SLC6A7: variants seen among roughly 807,000 people sequenced by gnomAD.
The protein encoded by SLC6A7 is solute carrier family 6 member 7.
In SLC6A7, 58 loss-of-function variants were observed where a neutral mutation model predicts 73.1. The ratio of observed to expected loss-of-function variants is 0.79; its 90% CI spans 0.64 to 0.99. SLC6A7 has a LOEUF of 0.99. SLC6A7 is among the 50% of genes least tolerant of loss of function. The pLI, the probability that SLC6A7 is intolerant of heterozygous loss-of-function variation, is 0.00. For missense variants in SLC6A7, 783 were observed against 831.4 expected (o/e 0.94, Z 0.72); for synonymous variants, 338 against 338.7 (o/e 1.00, Z 0.02).
intron 4 of SLC6A7, among the ~76,000 whole-genome samples, chr5:150,197,920 G>A (rs1753119431): frequency 6.6e-6 from 1 of 152,058 alleles, no homozygotes. Flanking sequence ...TCACGGTGCT[G>A]GGCACACAGT....
At chr5:150,193,982 T>C (rs902508820) in intron 1 of SLC6A7, among the ~76,000 whole-genome samples, 1 of 152,178 alleles carries the variant, frequency 6.6e-6, no homozygotes, top group Non-Finnish European at 1.5e-5. Flanking sequence ...GGAGCTTAGA[T>C]GAATACTGAG....
At chr5:150,208,686 C>G (rs959543659) in intron 13 of SLC6A7, among the ~76,000 whole-genome samples, 1 of 152,160 alleles carries the variant, frequency 6.6e-6, no homozygotes, top group African/African-American at 2.4e-5. Flanking sequence ...ATGTTAATTG[C>G]CTCCTTTCTT....
At chr5:150,196,914 C>T in intron 3 of SLC6A7, 67 bp downstream of exon 3, 1 of 1,566,126 alleles carries the variant, frequency 6.4e-7, no homozygotes, top group Admixed American at 1.8e-5. Context: ...AGGTTGCCCC[C>T]AGAACCCCTG....
intron 8 of SLC6A7, 26 bp downstream of exon 8, chr5:150,202,729 G>A (rs1235142450): frequency 1.2e-6 from 2 of 1,612,544 alleles, no homozygotes; most frequent in Non-Finnish European, 1.7e-6. Flanking sequence ...GGCCTCAGTG[G>A]GGTGAGCATG....
chr5:150,196,406 C>G (rs1753022605), intron 2 of SLC6A7, among the ~76,000 whole-genome samples: 1 of 152,164 alleles, frequency 6.6e-6, no homozygotes, highest in Admixed American at 6.5e-5. Flanking sequence ...GGTTTCTGTA[C>G]TGAGGAGTCT....
chr5:150,197,842 A>T (rs978707906), intron 4 of SLC6A7, among the ~76,000 whole-genome samples: 5 of 152,112 alleles, frequency 3.3e-5, no homozygotes, highest in African/African-American at 4.8e-5. Flanking sequence ...CCTCTAATAG[A>T]GATAGGACTA....
chr5:150,194,823 G>A lies in SLC6A7; in HGVS notation c.129G>A (p.Lys43=), dbSNP rs777802917. The stretch of plus-strand genomic sequence containing the variant: ...CACACCGGGGGAACTGGACAGGCAA[G>A]CTGGACTTCCTGCTGTCCTGCATTG... ...FAAHRGNWTG[K]LDFLLSCIGY... is the part of the protein sequence containing the mutation. Residue 43 remains lysine (K), a synonymous_variant, in exon 2 of 14, where the codon AAG becomes AAA. Coordinates refer to ENST00000230671, the MANE Select transcript of SLC6A7 (RefSeq NM_014228.5). The A allele has an allele frequency of 4.1e-5, 66 of 1,614,194 alleles. No individual in the cohort carries two copies. In the Middle Eastern group the frequency reaches 9.6e-3, roughly 234 times the overall value.
At chr5:150,197,680 T>A (rs1318489897) in intron 4 of SLC6A7, among the ~76,000 whole-genome samples, 1 of 152,308 alleles carries the variant, frequency 6.6e-6, no homozygotes, top group Middle Eastern at 3.4e-3. Flanking sequence ...TAACAGGGGT[T>A]GGTAACAGTA....
intron 1 of SLC6A7, among the ~76,000 whole-genome samples, chr5:150,193,694 C>T (rs1752885691): frequency 1.3e-5 from 2 of 152,200 alleles, no homozygotes; most frequent in African/African-American, 4.8e-5. Context: ...CTGAGGGCTC[C>T]CAGCTTCTTT....
intron 5 of SLC6A7, among the ~76,000 whole-genome samples, chr5:150,199,851 T>A (rs1051921955): frequency 3.9e-5 from 6 of 152,196 alleles, no homozygotes; most frequent in Non-Finnish European, 7.4e-5. Flanking sequence ...GATGGCTTCC[T>A]TCTGAGGCTT....
rs1753429496 is a variant in SLC6A7, at chr5:150,202,418, C to T, written c.930C>T (p.Ala310=). ...GVGFGGLLTF[A]SYNTFHQNIY... is the part of the protein sequence containing the mutation. ...GCTTCGGGGGGCTCCTCACCTTTGCCTCCTACAACACGTTTCACCAGAACA... is the reference window on the plus strand; with the variant it reads ...GCTTCGGGGGGCTCCTCACCTTTGCTTCCTACAACACGTTTCACCAGAACA... Residue 310 remains alanine (A), a synonymous_variant, in exon 7 of 14, where the codon GCC becomes GCT. Transcript: ENST00000230671. The T allele has an allele frequency of 1.2e-6, 2 of 1,614,098 alleles. No individual in the cohort carries two copies.
At chr5:150,194,432 TAAAA>T (rs57988226) in intron 1 of SLC6A7, among the ~76,000 whole-genome samples, 2 of 124,338 alleles carry the variant, frequency 1.6e-5, no homozygotes, top group East Asian at 2.3e-4. Context: ...CTTTCTCAAT[TAAAA>T]AAAAAAAAAA....
intron 6 of SLC6A7, among the ~76,000 whole-genome samples, chr5:150,202,134 C>T (rs1362908380): frequency 6.6e-6 from 1 of 152,182 alleles, no homozygotes. Flanking sequence ...GAAACTGAAG[C>T]CCGCAGAGGG....
intron 13 of SLC6A7, among the ~76,000 whole-genome samples, chr5:150,206,942 AG>A (rs1345633956): frequency 6.6e-6 from 1 of 152,158 alleles, no homozygotes; most frequent in Non-Finnish European, 1.5e-5. Context: ...GCCAGGTGGA[AG>A]GGGCATGTTT....
Position 150,202,456 on chromosome 5 carries a change from T to C in SLC6A7, c.962+6T>C. On this transcript the variant is annotated splice_donor_region_variant and intron_variant, in intron 7 of 13. Transcript: ENST00000230671. ...TTTCACCAGAACATCTATAGGTCAG[T>C]GTCCCACAGCCTCCCAGACCCTGGG... is the stretch of plus-strand genomic sequence containing the variant. The C allele has an allele frequency of 6.2e-7, 1 of 1,613,036 alleles. No homozygotes were observed. The highest frequency in any genetic ancestry group is 8.5e-7 in the Non-Finnish European group (1 of 1,178,970).
chr5:150,193,796 A>C (rs911214586), intron 1 of SLC6A7, among the ~76,000 whole-genome samples: 7 of 152,126 alleles, frequency 4.6e-5, no homozygotes, highest in African/African-American at 1.7e-4. Flanking sequence ...ATCTTTCTTA[A>C]AATATGGTGC....
intron 13 of SLC6A7, among the ~76,000 whole-genome samples, chr5:150,206,904 C>T (rs1252679119): frequency 2.0e-5 from 3 of 152,198 alleles, no homozygotes; most frequent in Non-Finnish European, 4.4e-5. Flanking sequence ...CGCCCCGCTG[C>T]CCTGCTGCCC....
Position 150,202,691 on chromosome 5 carries a change from G to C in SLC6A7, c.1075G>C (p.Val359Leu). 1 of 1,614,146 alleles carries C rather than the reference G, an allele frequency of 6.2e-7. No individual in the cohort carries two copies. Among genetic ancestry groups the C allele is most frequent in the Non-Finnish European group, 8.5e-7 (1 of 1,180,002 alleles). Residue 359 changes from valine to leucine, a missense_variant, in exon 8 of 14, where the codon GTA (valine) becomes CTA (leucine). Val to Leu is a conservative substitution (Grantham distance 32). Transcript: ENST00000230671. ...GGAGCTGGGCGTGCCTGTGGACCAAGTAGCCAAAGCAGGTGGGCAGGCTGC... is the reference window on the plus strand; with the variant it reads ...GGAGCTGGGCGTGCCTGTGGACCAACTAGCCAAAGCAGGTGGGCAGGCTGC... ...SQELGVPVDQ[V>L]AKAGPGLAFV...
intron 13 of SLC6A7, among the ~76,000 whole-genome samples, chr5:150,207,872 G>T (rs1405588441): frequency 6.6e-6 from 1 of 152,030 alleles, no homozygotes; most frequent in African/African-American, 2.4e-5. Flanking sequence ...GTTCTCACAG[G>T]GGGTGATTTT....
Sources: gnomAD v4.1 joint callset for allele counts (sites outside exome capture counted in the v4.1 genomes callset) on GRCh38, gnomAD v4.1.1 for gene constraint, MANE v1.5 for transcripts, NCBI Gene and HGNC (gene_info 2026-07-23, HGNC 2026-07-21) for gene names.